Variants in HIBCH observed in about 807,000 individuals in gnomAD.
HIBCH encodes the protein 3-hydroxyisobutyryl-CoA hydrolase, mitochondrial.
In HIBCH, 50 loss-of-function variants were observed where a neutral mutation model predicts 58.2. The ratio of observed to expected loss-of-function variants is 0.86; its 90% CI spans 0.68 to 1.09. The LOEUF is 1.09. Ranked by LOEUF, HIBCH falls within the 50% of genes least tolerant of loss-of-function variation. HIBCH has a pLI of 0.00. For synonymous variants in HIBCH, 151 were observed against 146.9 expected, an observed-to-expected ratio of 1.03 and a Z score of -0.20; for missense variants, 450 against 449.7, an observed-to-expected ratio of 1.00 and a Z score of -0.01.
chr2:190,288,306 TA>T (rs1334958430), intron 5 of HIBCH, among the ~76,000 whole-genome samples: 1 of 151,350 alleles, frequency 6.6e-6, no homozygotes, highest in African/African-American at 2.4e-5. Flanking sequence ...TGAAACTAGA[TA>T]AAACAATTCT....
chr2:190,284,051 A>G (rs1307500878), intron 6 of HIBCH, among the ~76,000 whole-genome samples: 1 of 152,246 alleles, frequency 6.6e-6, no homozygotes, highest in Non-Finnish European at 1.5e-5. Flanking sequence ...AGAACATTTT[A>G]GGGCACTAAG....
At chr2:190,261,134 A>G (rs758329072) in intron 7 of HIBCH, 22 bp downstream of exon 7, 5 of 1,554,632 alleles carry the variant, frequency 3.2e-6, no homozygotes, top group Non-Finnish European at 2.7e-6. Context: ...AAGTAATTAT[A>G]AAAAAAATTC....
At chr2:190,277,920 C>T (rs1575743984) in intron 6 of HIBCH, among the ~76,000 whole-genome samples, 1 of 152,258 alleles carries the variant, frequency 6.6e-6, no homozygotes, top group South Asian at 2.1e-4. Context: ...ATGAATTGTT[C>T]TTTGCTCAGA....
At chr2:190,199,016 A>AT (rs1173331579), downstream of HIBCH, among the ~76,000 whole-genome samples, 2 of 152,228 alleles carry the variant, frequency 1.3e-5, no homozygotes. Context: ...GCTTTGCTAT[A>AT]TGTAACCTAT....
At chr2:190,284,267 A>G (rs566796899) in intron 6 of HIBCH, among the ~76,000 whole-genome samples, 4 of 152,356 alleles carry the variant, frequency 2.6e-5, no homozygotes, top group African/African-American at 9.6e-5. Flanking sequence ...TGGTTGTTAC[A>G]TATGAGGAAT....
At chr2:190,275,614 A>T (rs1687527013) in intron 6 of HIBCH, among the ~76,000 whole-genome samples, 1 of 152,226 alleles carries the variant, frequency 6.6e-6, no homozygotes, top group African/African-American at 2.4e-5. Context: ...CTTGTGTAGA[A>T]GAAAAGTAAA....
At chr2:190,194,477 TACACACACACACACACAC>T (rs3083429) in intron 1 of HIBCH, among the ~76,000 whole-genome samples, 29 of 141,370 alleles carry the variant, frequency 2.1e-4, no homozygotes, top group African/African-American at 5.1e-4. Flanking sequence ...ATCCTGTGTA[TACACACACACACACACAC>T]ACACACACAC....
At chr2:190,242,737 T>A (rs990060989) in intron 11 of HIBCH, among the ~76,000 whole-genome samples, 1 of 152,204 alleles carries the variant, frequency 6.6e-6, no homozygotes, top group Non-Finnish European at 1.5e-5. Context: ...AGACTGTGAT[T>A]GTCATAAATA....
At position 190,285,763 on chromosome 2, in the gene HIBCH, C is replaced by T. The variant is rs1315716171; in HGVS notation, c.438+1823G>A. ...ACCCCAAACTACGGCCACTTGGAGG[C>T]CACTGTGACCTCCCCCCGCCTTTCT... is the stretch of plus-strand genomic sequence containing the variant. On this transcript the variant is annotated intron_variant, in intron 6 of 13. Transcript: ENST00000359678. 2.6e-5 allele frequency among the ~76,000 whole-genome samples: 4 copies of T among 152,102 alleles called. No homozygotes were observed. In the East Asian group the frequency reaches 7.7e-4, roughly 29 times the overall value.
At chr2:190,224,000 C>T (rs1177448921) in intron 11 of HIBCH, among the ~76,000 whole-genome samples, 1 of 152,216 alleles carries the variant, frequency 6.6e-6, no homozygotes, top group African/African-American at 2.4e-5. Flanking sequence ...AATTCCCTTT[C>T]CTGGCCAAGG....
At position 190,214,412 on chromosome 2, in the gene HIBCH, G is replaced by C. The variant is rs1690584292; in HGVS notation, c.892-1337C>G. The C allele has an allele frequency of 1.3e-5, 2 of 152,226 alleles. No homozygotes were observed. 9.4% of individuals were successfully genotyped at this position (152,226 alleles called of 1,614,324 possible). A position where few individuals can be genotyped will look rare whatever the true frequency, so the allele number is the denominator to read the frequency against. The stretch of plus-strand genomic sequence containing the variant: ...AACAAAGGAAAGAGCGAACTAAAAA[G>C]ACCCCCTCTGACATTCTCCCAGATA... On this transcript the variant is annotated intron_variant, in intron 11 of 13. Transcript: ENST00000359678. This position sits in a 1 kb window ranked among gnomAD's most constrained non-coding sequence, Gnocchi z 5.5.
downstream of HIBCH, chr2:190,199,841 C>T (rs1331127894): frequency 1.2e-6 from 2 of 1,608,056 alleles, no homozygotes. Context: ...CTGCTTCCTC[C>T]ACAAACAGCT....
At chr2:190,192,550 A>C (rs1011048389) in intron 1 of HIBCH, among the ~76,000 whole-genome samples, 1 of 151,692 alleles carries the variant, frequency 6.6e-6, no homozygotes, top group Non-Finnish European at 1.5e-5. Flanking sequence ...GACTTTTAGA[A>C]TCCATTTGTC....
At chr2:190,268,473 A>T (rs1037277105) in intron 6 of HIBCH, among the ~76,000 whole-genome samples, 5 of 152,216 alleles carry the variant, frequency 3.3e-5, no homozygotes, top group African/African-American at 1.2e-4. Flanking sequence ...ATGACTTCCT[A>T]TTTAAGTTTT....
At position 190,193,054 on chromosome 2, in the gene HIBCH, G is replaced by A. The variant is rs374574509; in HGVS notation, c.*18-3057C>T. 2.0e-5 allele frequency among the ~76,000 whole-genome samples: 3 copies of A among 152,022 alleles called. No homozygotes were observed. The East Asian group carries it at 5.8e-4, about 29-fold the overall frequency. Reference sequence around the variant, plus strand: ...CGGTAAAATATCAAACAGAAATCATGAGAATGACTATTGCTGCCTTGCTCC... The same window carrying A: ...CGGTAAAATATCAAACAGAAATCATAAGAATGACTATTGCTGCCTTGCTCC... On this transcript the variant is annotated intron_variant, in intron 1 of 1. Transcript: ENST00000399855.
intron 11 of HIBCH, among the ~76,000 whole-genome samples, chr2:190,240,000 G>A (rs1327674765): frequency 6.6e-6 from 1 of 152,202 alleles, no homozygotes; most frequent in South Asian, 2.1e-4. Flanking sequence ...GTATCAGGAT[G>A]AGGCTGGCCT....
intron 6 of HIBCH, among the ~76,000 whole-genome samples, chr2:190,282,141 A>C (rs750745482): frequency 6.6e-6 from 1 of 152,132 alleles, no homozygotes; most frequent in Non-Finnish European, 1.5e-5. Context: ...AATTCTTTCA[A>C]GTGTCTATCC....
Position 190,310,753 on chromosome 2 carries a change from C to A in HIBCH, c.78+1G>T, listed in dbSNP as rs1688535266. 6.2e-7 allele frequency: 1 copy of A among 1,606,348 alleles called. No individual in the cohort carries two copies. The highest frequency in any genetic ancestry group is 8.5e-7 in the Non-Finnish European group (1 of 1,172,998). ...CCAGCAAAACAAACACAATAACTTA[C>A]CAAATGGTGCAGTATGGTATTAGTC... On this transcript the variant is annotated splice_donor_variant, in intron 2 of 13. Transcript: ENST00000359678. LOFTEE classifies it high-confidence loss of function.
At chr2:190,208,176 G>T (rs186315216) in intron 13 of HIBCH, among the ~76,000 whole-genome samples, 1 of 152,332 alleles carries the variant, frequency 6.6e-6, no homozygotes, top group Admixed American at 6.5e-5. Context: ...ACAATCTGCA[G>T]ATGTTACTAA....
Sources: gnomAD v4.1 joint callset for allele counts (sites outside exome capture counted in the v4.1 genomes callset) on GRCh38, gnomAD v4.1.1 for gene constraint, Gnocchi (gnomAD v3.1) non-coding constraint, MANE v1.5 for transcripts, NCBI Gene and HGNC (gene_info 2026-07-23, HGNC 2026-07-21) for gene names.